MAP3K20: variants seen among roughly 807,000 people sequenced by gnomAD.
MAP3K20 encodes mitogen-activated protein kinase kinase kinase 20.
Under a neutral mutation model 85.7 loss-of-function variants are expected in MAP3K20, and 40 were observed. That is an observed-to-expected ratio of 0.47 (90% CI 0.36 to 0.61). The LOEUF (loss-of-function observed/expected upper bound fraction) is 0.61. Among genes scored for constraint, MAP3K20 ranks in the 20% least tolerant of loss-of-function variants. MAP3K20 has a pLI of 0.00. For missense variants in MAP3K20, 817 were observed against 961.7 expected, an observed-to-expected ratio of 0.85 and a Z score of 1.99; for synonymous variants, 325 against 327.7, an observed-to-expected ratio of 0.99 and a Z score of 0.09.
chr2:173,129,705 G>C (rs1688552805), intron 2 of MAP3K20, among the ~76,000 whole-genome samples: 1 of 152,174 alleles, frequency 6.6e-6, no homozygotes, highest in Non-Finnish European at 1.5e-5. Context: ...AAGCGATATG[G>C]AGGTATTTAG....
chr2:173,147,316 G>C (rs1271333702), intron 2 of MAP3K20, among the ~76,000 whole-genome samples: 1 of 152,184 alleles, frequency 6.6e-6, no homozygotes, highest in East Asian at 1.9e-4. Context: ...GAGTTTTATA[G>C]TTTTAGCTCA....
At chr2:173,173,537 C>T (rs767042401) in intron 3 of MAP3K20, among the ~76,000 whole-genome samples, 1 of 152,122 alleles carries the variant, frequency 6.6e-6, no homozygotes. Flanking sequence ...TAAACCCAGC[C>T]AAGGAAAACA....
In MAP3K20 at chr2:173,091,198, C is replaced by CT; in HGVS notation, c.159+12dup. On this transcript the variant is annotated intron_variant, in intron 2 of 19. Coordinates refer to ENST00000375213, the MANE Select transcript of MAP3K20 (RefSeq NM_016653.3). ...CTCAAAATAGAGAAAGAGGTAAGGT[C>CT]TTTTCCAGCTGACAGAAACAGTCAC... 1 of 1,605,994 alleles carries CT rather than the reference C, an allele frequency of 6.2e-7. No individual in the cohort carries two copies. The highest frequency in any genetic ancestry group is 1.7e-4 in the Middle Eastern group (1 of 6,006).
intron 7 of MAP3K20, among the ~76,000 whole-genome samples, chr2:173,193,900 C>G (rs543225905): frequency 6.6e-6 from 1 of 152,260 alleles, no homozygotes; most frequent in East Asian, 1.9e-4. Context: ...ACAAACCATC[C>G]TATGGAGTAA....
intron 2 of MAP3K20, among the ~76,000 whole-genome samples, chr2:173,120,353 A>G (rs912790876): frequency 2.6e-5 from 4 of 152,086 alleles, no homozygotes; most frequent in African/African-American, 9.7e-5. Flanking sequence ...ATTCTTGGGC[A>G]TAGGAGCACT....
In MAP3K20 at chr2:173,196,083, G is replaced by A. The variant is rs374544470; in HGVS notation, c.583-1943G>A. Among the ~76,000 whole-genome samples, 534 of 58,022 alleles carry A rather than the reference G, an allele frequency of 9.2e-3. 3 individuals are homozygous for A. The highest frequency in any genetic ancestry group is 0.018 in the African/African-American group (482 of 26,654). 38.1% of individuals were successfully genotyped at this position (58,022 alleles called of 152,430 possible). A position where few individuals can be genotyped will look rare whatever the true frequency, so the allele number is the denominator to read the frequency against. On this transcript the variant is annotated intron_variant, in intron 7 of 19. Transcript: ENST00000375213. ...TGTGCATGTGTGCACACATGTACAC[G>A]GCGTGTTTATCATACCTGCAGGCCA...
chr2:173,135,024 A>C (rs1323108257), intron 2 of MAP3K20, among the ~76,000 whole-genome samples: 2 of 152,188 alleles, frequency 1.3e-5, no homozygotes, highest in African/African-American at 4.8e-5. Flanking sequence ...GCCTCAGGAC[A>C]ATGCTTGGCA....
At chr2:173,224,599 T>TCCTTTTTTTTG in intron 11 of MAP3K20, 1 of 985,272 alleles carries the variant, frequency 1.0e-6, no homozygotes. Flanking sequence ...TAAAAGGAAT[T>TCCTTTTTTTTG]AGAATACAGC....
At chr2:173,135,551 A>T (rs1024024271) in intron 2 of MAP3K20, among the ~76,000 whole-genome samples, 1 of 152,200 alleles carries the variant, frequency 6.6e-6, no homozygotes, top group African/African-American at 2.4e-5. Context: ...AGTTAATGTG[A>T]TTTTCAAACT....
intron 16 of MAP3K20, among the ~76,000 whole-genome samples, chr2:173,243,298 G>T (rs1684836409): frequency 6.6e-6 from 1 of 152,206 alleles, no homozygotes; most frequent in African/African-American, 2.4e-5. Flanking sequence ...CTTGGTAGAA[G>T]TGTTGCTTAA....
intron 2 of MAP3K20, among the ~76,000 whole-genome samples, chr2:173,103,239 A>G (rs933004062): frequency 1.3e-5 from 2 of 152,276 alleles, no homozygotes; most frequent in East Asian, 3.9e-4. Context: ...TACACAGTAA[A>G]GCCTAGGCCT....
At chr2:173,236,526 G>A (rs1260838834) in intron 14 of MAP3K20, among the ~76,000 whole-genome samples, 3 of 152,098 alleles carry the variant, frequency 2.0e-5, no homozygotes, top group Non-Finnish European at 4.4e-5. Flanking sequence ...AAACTCCTGA[G>A]TGAGTCTGCA....
intron 16 of MAP3K20, among the ~76,000 whole-genome samples, chr2:173,253,750 A>G (rs1459840554): frequency 6.6e-6 from 1 of 152,176 alleles, no homozygotes; most frequent in African/African-American, 2.4e-5. Context: ...CCACATTTCT[A>G]TCACTCACCT....
chr2:173,235,048 G>A (rs536014414), intron 14 of MAP3K20, among the ~76,000 whole-genome samples: 1 of 152,230 alleles, frequency 6.6e-6, no homozygotes, highest in Non-Finnish European at 1.5e-5. Context: ...AAAGCACAAT[G>A]AAGTATTGAT....
chr2:173,099,999 C>T (rs1574012167), intron 2 of MAP3K20, among the ~76,000 whole-genome samples: 1 of 152,236 alleles, frequency 6.6e-6, no homozygotes. Flanking sequence ...ACAGTCAGAA[C>T]AGCAGCTAGA....
rs777286405 is a variant in MAP3K20, at chr2:173,209,879, A to ACCATCACT, written c.851+46_851+53dup. On this transcript the variant is annotated intron_variant, in intron 10 of 19. Coordinates refer to ENST00000375213, the MANE Select transcript of MAP3K20 (RefSeq NM_016653.3). Reference sequence around the variant, plus strand: ...AGGCCACAGCGTCTGGCTTTCAAAGACCATCACTCGTCTCAATGAAGAAGT... The same window carrying ACCATCACT: ...AGGCCACAGCGTCTGGCTTTCAAAGACCATCACTCCATCACTCGTCTCAATGAAGAAGT... 2.1e-5 allele frequency: 31 copies of ACCATCACT among 1,498,468 alleles called. No homozygotes were observed. The East Asian group carries it at 7.0e-4, about 34-fold the overall frequency. The allele number at this position is 1,498,468 out of a possible 1,614,324, so 92.8% of individuals were successfully genotyped here. A position where few individuals can be genotyped will look rare whatever the true frequency, so the allele number is the denominator to read the frequency against.
At chr2:173,253,481 CTTGCCCCACA>C (rs1223496019) in intron 16 of MAP3K20, among the ~76,000 whole-genome samples, 2 of 152,130 alleles carry the variant, frequency 1.3e-5, no homozygotes, top group Non-Finnish European at 2.9e-5. Flanking sequence ...CTTGCCCCAC[CTTGCCCCACA>C]ATGTCCCACT....
chr2:173,109,106 G>A (rs1186690591), intron 2 of MAP3K20, among the ~76,000 whole-genome samples: 1 of 151,938 alleles, frequency 6.6e-6, no homozygotes, highest in Non-Finnish European at 1.5e-5. Context: ...TTCTTTCTCC[G>A]AATTTATTTG....
chr2:173,142,818 A>T lies in MAP3K20; in HGVS notation c.160-26987A>T, dbSNP rs183561415. The stretch of plus-strand genomic sequence containing the variant: ...AATATACATAATTACATTAAGTATA[A>T]ATGAATTAAGCACCCCAATTAAATG... On this transcript the variant is annotated intron_variant, in intron 2 of 19. Coordinates refer to ENST00000375213, the MANE Select transcript of MAP3K20 (RefSeq NM_016653.3). Among the ~76,000 whole-genome samples the T allele has an allele frequency of 3.8e-4, 58 of 152,294 alleles. 1 individual carries two copies. Among genetic ancestry groups the T allele is most frequent in the Admixed American group, 2.3e-3 (35 of 15,294 alleles).
Sources: allele counts gnomAD v4.1 joint callset (sites outside exome capture counted in the v4.1 genomes callset), GRCh38; gene constraint gnomAD v4.1.1; transcripts MANE v1.5; gene names NCBI Gene and HGNC (gene_info 2026-07-23, HGNC 2026-07-21).